The following SPIB variants were observed in gnomAD, a reference collection of about 807,000 sequenced individuals.
The protein encoded by SPIB is transcription factor Spi-B.
In SPIB, 7 loss-of-function variants were observed where a neutral mutation model predicts 31.9. The observed-to-expected ratio is 0.22, with a 90% confidence interval of 0.12 to 0.41. SPIB has a LOEUF of 0.41. Ranked by LOEUF, SPIB falls within the 10% of genes least tolerant of loss-of-function variation. SPIB has a pLI of 1.00. For synonymous variants in SPIB, 176 were observed against 158.9 expected, an observed-to-expected ratio of 1.11 and a Z score of -0.81; for missense variants, 327 against 360.2, an observed-to-expected ratio of 0.91 and a Z score of 0.75.
intron 5 of SPIB, among the ~76,000 whole-genome samples, 164 bp from the exon 6 acceptor site, chr19:50,427,872 CCG>C (rs1491298442): frequency 2.0e-5 from 3 of 146,472 alleles, no homozygotes; most frequent in Non-Finnish European, 4.5e-5. Context: ...CCCCCCCCCC[CCG>C]TGGTGAGGGG....
In SPIB at chr19:50,429,491, C is replaced by T. The variant is rs921777210; in HGVS notation, c.*1155C>T. The T allele has an allele frequency of 1.3e-5, 2 of 151,746 alleles. No homozygotes were observed. Among genetic ancestry groups the T allele is most frequent in the Non-Finnish European group, 2.9e-5 (2 of 68,098 alleles). The allele number at this position is 151,746 out of a possible 1,614,324, so 9.4% of individuals were successfully genotyped here. ...GCGAGGCAGGGGGAATGGCTTGAAC[C>T]CAGGCATTCAAGACCAGCCTGGGCA... On this transcript the variant is annotated 3_prime_UTR_variant, in exon 6 of 6. Coordinates refer to ENST00000595883, the MANE Select transcript of SPIB (RefSeq NM_003121.5).
intron 5 of SPIB, among the ~76,000 whole-genome samples, chr19:50,425,289 G>C (rs1418367558): frequency 1.3e-5 from 2 of 152,174 alleles, no homozygotes; most frequent in African/African-American, 4.8e-5. Context: ...ACAGGCGTGA[G>C]CCACTGTGCC....
intron 5 of SPIB, 137 bp downstream of exon 5, chr19:50,423,892 G>C (rs1387574464): frequency 2.9e-6 from 3 of 1,038,706 alleles, no homozygotes; most frequent in Non-Finnish European, 4.1e-6. Context: ...TGCTGGCTGT[G>C]TGACCTTGGG....
chr19:50,421,116 C>T (rs1174898808), intron 2 of SPIB, among the ~76,000 whole-genome samples: 2 of 152,120 alleles, frequency 1.3e-5, no homozygotes, highest in Non-Finnish European at 2.9e-5. Flanking sequence ...GGGCTGTTTC[C>T]AGTTGGAGAC....
intron 2 of SPIB, 49 bp downstream of exon 2, chr19:50,420,022 C>T (rs1477066362): frequency 7.2e-7 from 1 of 1,390,500 alleles, no homozygotes; most frequent in Non-Finnish European, 9.4e-7. Flanking sequence ...ACAGTGACCT[C>T]CCTCAGAGAA....
At chr19:50,427,888 A>T (rs2039587968) in intron 5 of SPIB, 150 bp from the exon 6 acceptor site, 1 of 359,972 alleles carries the variant, frequency 2.8e-6, no homozygotes, top group Admixed American at 5.5e-5. Flanking sequence ...TGAGGGGCGC[A>T]GAGCCAGGTG....
chr19:50,419,053 C>T (rs2039447753), intron 1 of SPIB, 68 bp downstream of exon 1: 1 of 1,531,116 alleles, frequency 6.5e-7, no homozygotes, highest in Non-Finnish European at 8.8e-7. Context: ...GGGCCTCACC[C>T]ATGGGCAGTG....
At position 50,422,543 on chromosome 19, in the gene SPIB, C is replaced by T. The variant is rs1354272783; in HGVS notation, c.122C>T (p.Pro41Leu). The T allele has an allele frequency of 6.2e-7, 1 of 1,613,902 alleles. No individual in the cohort carries two copies. Among genetic ancestry groups the T allele is most frequent in the Non-Finnish European group, 8.5e-7 (1 of 1,179,906 alleles). The change falls in exon 3 of 6, where the codon CCT becomes CTT. Residue 41 changes from proline to leucine, a missense_variant and splice_region_variant. Transcript: ENST00000595883. ...AGCTACCCTGATTCAGAGGGGGCTC[C>T]TGGTGAGTGACCCCAGCCCTGTGCC... ...HSSYPDSEGA[P>L]DSLWDWTVAP... is the part of the protein sequence containing the mutation.
At chr19:50,419,828 C>T in intron 1 of SPIB, 118 bp from the exon 2 acceptor site, 1 of 1,043,062 alleles carries the variant, frequency 9.6e-7, no homozygotes, top group South Asian at 1.8e-5. Flanking sequence ...GGGGCTGGTC[C>T]CTCACACAGG....
Position 50,419,906 on chromosome 19 carries a change from G to C in SPIB, c.24-40G>C, listed in dbSNP as rs777216701. 3.3e-6 allele frequency: 5 copies of C among 1,530,622 alleles called. No homozygotes were observed. In the Admixed American group the frequency reaches 6.4e-5, roughly 20 times the overall value. 94.8% of individuals were successfully genotyped at this position (1,530,622 alleles called of 1,614,324 possible). On this transcript the variant is annotated intron_variant, in intron 1 of 5. Transcript: ENST00000595883. ...AACCACTTTGAGATTCAGGTGGCTG[G>C]AGGCAGCCTCAGCATGCCCCTGTGT...
In SPIB at chr19:50,427,986, G is replaced by C. The variant is rs2039589846; in HGVS notation, c.491-52G>C. 3.5e-6 allele frequency: 5 copies of C among 1,447,760 alleles called. No homozygotes were observed. In the Admixed American group the frequency reaches 1.1e-4, roughly 32 times the overall value. 89.7% of individuals were successfully genotyped at this position (1,447,760 alleles called of 1,614,324 possible). A position where few individuals can be genotyped will look rare whatever the true frequency, so the allele number is the denominator to read the frequency against. ...GTCTCGGAGGAGGGTGGATGGGGAAGGCGGGGCCTTAGGGACCCCTCACCT... is the reference window on the plus strand; with the variant it reads ...GTCTCGGAGGAGGGTGGATGGGGAACGCGGGGCCTTAGGGACCCCTCACCT... On this transcript the variant is annotated intron_variant, in intron 5 of 5. Coordinates refer to ENST00000595883, the MANE Select transcript of SPIB (RefSeq NM_003121.5).
chr19:50,419,111 C>T (rs1246268285), intron 1 of SPIB, 126 bp downstream of exon 1: 1 of 1,156,254 alleles, frequency 8.6e-7, no homozygotes, highest in East Asian at 2.6e-5. Context: ...GGGGAGGGGT[C>T]CACCCTGTCT....
At chr19:50,427,201 G>A (rs1185003839) in intron 5 of SPIB, among the ~76,000 whole-genome samples, 1 of 151,440 alleles carries the variant, frequency 6.6e-6, no homozygotes, top group Non-Finnish European at 1.5e-5. Flanking sequence ...GCAGAGATGG[G>A]ATTCTTGTAG....
intron 5 of SPIB, 36 bp downstream of exon 5, chr19:50,423,791 C>T (rs936680398): frequency 1.9e-6 from 3 of 1,572,314 alleles, no homozygotes; most frequent in Non-Finnish European, 2.6e-6. Flanking sequence ...GAGATGCCAG[C>T]TGGAGATGGT....
Position 50,428,010 on chromosome 19 carries a change from C to A in SPIB, c.491-28C>A. Reference sequence around the variant, plus strand: ...AGGCGGGGCCTTAGGGACCCCTCACCTAACGCGTGCCCCCGACCCCACCGC... The same window carrying A: ...AGGCGGGGCCTTAGGGACCCCTCACATAACGCGTGCCCCCGACCCCACCGC... On this transcript the variant is annotated intron_variant, in intron 5 of 5. Transcript: ENST00000595883. This position sits in a 1 kb window ranked among gnomAD's most constrained non-coding sequence, Gnocchi z 6.5. 1 of 1,477,380 alleles carries A rather than the reference C, an allele frequency of 6.8e-7. No individual in the cohort carries two copies. Among genetic ancestry groups the A allele is most frequent in the Non-Finnish European group, 9.0e-7 (1 of 1,107,604 alleles). 91.5% of individuals were successfully genotyped at this position (1,477,380 alleles called of 1,614,324 possible).
chr19:50,423,031 T>C lies in SPIB; in HGVS notation c.333T>C (p.Ala111=). 1 of 1,429,372 alleles carries C rather than the reference T, an allele frequency of 7.0e-7. No individual in the cohort carries two copies. The highest frequency in any genetic ancestry group is 9.5e-7 in the Non-Finnish European group (1 of 1,055,462). 88.5% of individuals were successfully genotyped at this position (1,429,372 alleles called of 1,614,324 possible). Reference sequence around the variant, plus strand: ...CTGCATACCCCACGGAGAACTTCGCTAGCCAGGTGAGTGGTAAGGGGACAG... The same window carrying C: ...CTGCATACCCCACGGAGAACTTCGCCAGCCAGGTGAGTGGTAAGGGGACAG... ...GLPAYPTENF[A]SQTLVPPAYA... is the part of the protein sequence containing the mutation. Residue 111 remains alanine, a synonymous_variant, in exon 4 of 6, where the codon GCT becomes GCC. Coordinates refer to ENST00000595883, the MANE Select transcript of SPIB (RefSeq NM_003121.5).
chr19:50,419,141 T>C (rs1372633591), intron 1 of SPIB, among the ~76,000 whole-genome samples, 156 bp downstream of exon 1: 1 of 152,116 alleles, frequency 6.6e-6, no homozygotes, highest in Non-Finnish European at 1.5e-5. Flanking sequence ...TCTGGTTCTG[T>C]TCCCTCTTCA....
At chr19:50,424,919 AC>A (rs2039546468) in intron 5 of SPIB, among the ~76,000 whole-genome samples, 1 of 151,892 alleles carries the variant, frequency 6.6e-6, no homozygotes, top group South Asian at 2.1e-4. Context: ...AGATTGCACC[AC>A]TGGACTCCAG....
In SPIB at chr19:50,430,042, G is replaced by C. The variant is rs2039621402; in HGVS notation, c.*1706G>C. On this transcript the variant is annotated 3_prime_UTR_variant, in exon 6 of 6. Coordinates refer to ENST00000595883, the MANE Select transcript of SPIB (RefSeq NM_003121.5). Reference sequence around the variant, plus strand: ...AAAACAGCAGACCATTCAAAATAGGGAGACTTTGCATAATCCAGATTTCTG... The same window carrying C: ...AAAACAGCAGACCATTCAAAATAGGCAGACTTTGCATAATCCAGATTTCTG... 6.6e-6 allele frequency: 1 copy of C among 152,162 alleles called. No homozygotes were observed. The highest frequency in any genetic ancestry group is 1.5e-5 in the Non-Finnish European group (1 of 68,078). 9.4% of individuals were successfully genotyped at this position (152,162 alleles called of 1,614,324 possible). A position where few individuals can be genotyped will look rare whatever the true frequency, so the allele number is the denominator to read the frequency against.
Sources: allele counts gnomAD v4.1 joint callset (sites outside exome capture counted in the v4.1 genomes callset), GRCh38; gene constraint gnomAD v4.1.1; non-coding constraint Gnocchi (gnomAD v3.1); transcripts MANE v1.5; gene names NCBI Gene and HGNC (gene_info 2026-07-23, HGNC 2026-07-21).